Variants in ABHD5 observed in about 807,000 individuals in gnomAD.
ABHD5 encodes the protein 1-acylglycerol-3-phosphate O-acyltransferase ABHD5.
In ABHD5, 30 loss-of-function variants were observed where a neutral mutation model predicts 44.9. The ratio of observed to expected loss-of-function variants is 0.67; its 90% CI spans 0.50 to 0.91. The LOEUF (loss-of-function observed/expected upper bound fraction) is 0.91, where lower values mean the gene tolerates loss of function less well. Among genes scored for constraint, ABHD5 ranks in the 40% least tolerant of loss-of-function variants. ABHD5 has a pLI of 0.00. For missense variants in ABHD5, 399 were observed against 423.4 expected (o/e 0.94, Z 0.50); for synonymous variants, 167 against 147.0 (o/e 1.14, Z -0.99).
At position 43,718,646 on chromosome 3, in the gene ABHD5, C is replaced by A; in HGVS notation, c.*114C>A. 1 of 995,790 alleles carries A rather than the reference C, an allele frequency of 1.0e-6. No individual in the cohort carries two copies. The highest frequency in any genetic ancestry group is 1.6e-6 in the Non-Finnish European group (1 of 628,830). The allele number at this position is 995,790 out of a possible 1,614,324, so 61.7% of individuals were successfully genotyped here. A position where few individuals can be genotyped will look rare whatever the true frequency, so the allele number is the denominator to read the frequency against. Reference sequence around the variant, plus strand: ...ACACACAACCAGGCAGCCTTCTTGACTATACTTTGCACATGTTTTCTTTAG... The same window carrying A: ...ACACACAACCAGGCAGCCTTCTTGAATATACTTTGCACATGTTTTCTTTAG... On this transcript the variant is annotated 3_prime_UTR_variant, in exon 7 of 7. Coordinates refer to ENST00000644371, the MANE Select transcript of ABHD5 (RefSeq NM_016006.6).
rs540247268 is a variant in ABHD5 at position 43,731,611 on chromosome 3, C to T, written c.*30-2269C>T. Among the ~76,000 whole-genome samples the T allele has an allele frequency of 1.9e-3, 283 of 152,222 alleles. 2 individuals carry two copies. The highest frequency in any genetic ancestry group is 6.4e-3 in the African/African-American group (265 of 41,544). Reference sequence around the variant, plus strand: ...GTTTGGGAGGCCAAGGCAGGCGGATCACCTGAGGTCGGGAGTTCACAACCA... The same window carrying T: ...GTTTGGGAGGCCAAGGCAGGCGGATTACCTGAGGTCGGGAGTTCACAACCA... On this transcript the variant is annotated intron_variant, in intron 7 of 7. Transcript: ENST00000454293.
chr3:43,691,073 C>A, intron 1 of ABHD5, 34 bp downstream of exon 1: 1 of 1,515,440 alleles, frequency 6.6e-7, no homozygotes, highest in Non-Finnish European at 8.9e-7. Flanking sequence ...TCGTGTGTCT[C>A]CGGCGCGCAC....
At chr3:43,731,979 ACT>A (rs2084915718) in intron 7 of ABHD5, among the ~76,000 whole-genome samples, 3 of 152,076 alleles carry the variant, frequency 2.0e-5, no homozygotes, top group Non-Finnish European at 4.4e-5. Flanking sequence ...AGCTGAGAAA[ACT>A]CACCACCCAT....
chr3:43,714,441 C>G (rs1020081644), intron 4 of ABHD5, among the ~76,000 whole-genome samples: 2 of 152,028 alleles, frequency 1.3e-5, no homozygotes, highest in Non-Finnish European at 2.9e-5. Context: ...GTGTCCTCGG[C>G]TTTTTCTAGA....
chr3:43,698,224 C>T (rs1464653383), intron 1 of ABHD5, among the ~76,000 whole-genome samples: 2 of 152,192 alleles, frequency 1.3e-5, no homozygotes, highest in Non-Finnish European at 2.9e-5. Flanking sequence ...ACTTCTTTAT[C>T]TCCAACCAGT....
chr3:43,703,537 G>C (rs2149596858), intron 3 of ABHD5, among the ~76,000 whole-genome samples: 1 of 152,226 alleles, frequency 6.6e-6, no homozygotes, highest in Non-Finnish European at 1.5e-5. Flanking sequence ...CTGAGAGAGG[G>C]TCACATTTAA....
chr3:43,710,021 C>T (rs554012035), intron 3 of ABHD5, among the ~76,000 whole-genome samples: 8 of 151,978 alleles, frequency 5.3e-5, no homozygotes, highest in South Asian at 2.1e-4. Flanking sequence ...CCAGCCTGGG[C>T]GACAGAGTGA....
intron 1 of ABHD5, 60 bp downstream of exon 1, chr3:43,691,099 G>A (rs1356571169): frequency 1.4e-6 from 2 of 1,471,230 alleles, no homozygotes; most frequent in Non-Finnish European, 9.0e-7. Context: ...GCGCGGGCCG[G>A]GTTAGGGCCC....
chr3:43,717,731 C>T lies in ABHD5; in HGVS notation c.834C>T (p.Leu278=). Residue 278 remains leucine (L), a synonymous_variant, in exon 6 of 7, where the codon CTC becomes CTT. Coordinates refer to ENST00000644371, the MANE Select transcript of ABHD5 (RefSeq NM_016006.6). ...ATGGATGGGCAAAAAGGCCAATGCT[C>T]CAGCGAATTGGTAAAATGCACCCTG... ...IPYGWAKRPM[L]QRIGKMHPDI... 1 of 1,614,196 alleles carries T rather than the reference C, an allele frequency of 6.2e-7. No individual in the cohort carries two copies. The highest frequency in any genetic ancestry group is 1.7e-5 in the Admixed American group (1 of 60,022).
intron 5 of ABHD5, among the ~76,000 whole-genome samples, chr3:43,716,392 G>T (rs1459606023): frequency 2.0e-5 from 3 of 152,134 alleles, no homozygotes; most frequent in Non-Finnish European, 4.4e-5. Context: ...CAGAGAAGTG[G>T]TATCTCATCC....
At chr3:43,713,331 A>C in intron 4 of ABHD5, among the ~76,000 whole-genome samples, 1 of 151,522 alleles carries the variant, frequency 6.6e-6, no homozygotes, top group South Asian at 2.1e-4. Flanking sequence ...TCAAAAAAAA[A>C]AAAAAAAAAA....
chr3:43,727,430 G>A (rs1222948370), downstream of ABHD5, among the ~76,000 whole-genome samples: 1 of 152,132 alleles, frequency 6.6e-6, no homozygotes, highest in Admixed American at 6.5e-5. Context: ...CTCAAGACTT[G>A]GCTAGGTGGA....
In ABHD5 at chr3:43,717,868, G is replaced by T; in HGVS notation, c.960+11G>T. On this transcript the variant is annotated intron_variant, in intron 6 of 6. Transcript: ENST00000644371. ...TATGTGAAGACAATAGTAAGTGTGT[G>T]GCTTGATTTGGGTTTTTAGGTATAG... is the stretch of plus-strand genomic sequence containing the variant. The T allele has an allele frequency of 6.2e-7, 1 of 1,614,082 alleles. No homozygotes were observed. Among genetic ancestry groups the T allele is most frequent in the Admixed American group, 1.7e-5 (1 of 60,022 alleles).
upstream of ABHD5, chr3:43,690,914 T>G (rs2084357395): frequency 1.4e-6 from 2 of 1,465,452 alleles, no homozygotes; most frequent in African/African-American, 2.9e-5. Context: ...CCGCCTTAAG[T>G]GCCGCGCCAG....
In ABHD5 at chr3:43,693,309, C is replaced by T. The variant is rs927219251; in HGVS notation, c.47+2270C>T. Among the ~76,000 whole-genome samples the T allele has an allele frequency of 5.9e-5, 9 of 152,250 alleles. No individual in the cohort carries two copies. The East Asian group carries it at 1.7e-3, about 29-fold the overall frequency. ...AAATTGGCCATGGTGGGAGTATTTA[C>T]ACCACGGAAATCATCAAATGCTATA... On this transcript the variant is annotated intron_variant, in intron 1 of 6. Transcript: ENST00000644371.
intron 6 of ABHD5, 41 bp from the exon 7 acceptor site, chr3:43,718,402 G>A (rs946538799): frequency 2.6e-6 from 4 of 1,511,550 alleles, no homozygotes; most frequent in Non-Finnish European, 3.7e-6. Context: ...TTTATTAAAT[G>A]CTTTTACTCA....
At chr3:43,726,165 G>A (rs1184052466), downstream of ABHD5, among the ~76,000 whole-genome samples, 2 of 152,096 alleles carry the variant, frequency 1.3e-5, no homozygotes, top group East Asian at 1.9e-4. Context: ...CACCAGGCCT[G>A]TTTCCTAGTT....
intron 3 of ABHD5, among the ~76,000 whole-genome samples, chr3:43,705,153 A>G (rs1465424214): frequency 6.6e-6 from 1 of 152,206 alleles, no homozygotes; most frequent in Non-Finnish European, 1.5e-5. Flanking sequence ...ATTATAAGCT[A>G]AGTTCACCTT....
At position 43,714,030 on chromosome 3, in the gene ABHD5, A is replaced by G. The variant is rs2084724487; in HGVS notation, c.662-917A>G. On this transcript the variant is annotated intron_variant, in intron 4 of 6. Transcript: ENST00000644371. ...GAGACCAGTCAGTCTCTGGGGCCTC[A>G]GAATAGAAAAGTGTGACTAGAAGAA... Among the ~76,000 whole-genome samples the G allele has an allele frequency of 2.0e-5, 3 of 152,288 alleles. No homozygotes were observed. The South Asian group carries it at 6.2e-4, about 32-fold the overall frequency.
Sources: allele counts gnomAD v4.1 joint callset (sites outside exome capture counted in the v4.1 genomes callset), GRCh38; gene constraint gnomAD v4.1.1; transcripts MANE v1.5; gene names NCBI Gene and HGNC (gene_info 2026-07-23, HGNC 2026-07-21).